HDAC5: variants seen among roughly 807,000 people sequenced by gnomAD.
HDAC5 encodes the protein histone deacetylase 5, also known as antigen NY-CO-9.
HDAC5 carries 25 observed loss-of-function variants against 133.3 expected under a neutral mutation model. The observed-to-expected ratio is 0.19, with a 90% CI of 0.14 to 0.26. The LOEUF is 0.26. HDAC5 is among the 10% of genes least tolerant of loss of function. The pLI is 1.00. For synonymous variants in HDAC5, 589 were observed against 610.8 expected (o/e 0.96, Z 0.53); for missense variants, 1,041 against 1,460.5 (o/e 0.71, Z 4.68).
intron 3 of HDAC5, among the ~76,000 whole-genome samples, chr17:44,107,829 C>A (rs182805659): frequency 1.3e-5 from 2 of 152,238 alleles, no homozygotes; most frequent in Admixed American, 1.3e-4. Context: ...TTCCCAGTGT[C>A]CATAGCATTC....
intron 3 of HDAC5, among the ~76,000 whole-genome samples, chr17:44,097,062 AG>A (rs1244362956): frequency 2.0e-5 from 3 of 152,216 alleles, no homozygotes; most frequent in Non-Finnish European, 4.4e-5. Flanking sequence ...GGGAGGTAGG[AG>A]GTGGCAAAGG....
intron 10 of HDAC5, 75 bp from the exon 11 acceptor site, chr17:44,091,567 T>G: frequency 6.7e-7 from 1 of 1,485,240 alleles, no homozygotes; most frequent in Non-Finnish European, 9.0e-7. Flanking sequence ...CTACCCACTA[T>G]CTACCCCCCA....
chr17:44,079,440 G>C, intron 23 of HDAC5, 163 bp from the exon 24 acceptor site: 1 of 579,470 alleles, frequency 1.7e-6, no homozygotes, highest in Non-Finnish European at 3.0e-6. Context: ...AGGAGTTCGA[G>C]ACCAGCCTGA....
At position 44,111,784 on chromosome 17, in the gene HDAC5, G is replaced by A. The variant is rs541463745; in HGVS notation, c.23-984C>T. The stretch of plus-strand genomic sequence containing the variant: ...TCCCTCCCGCTCATTCTGGAGTGTC[G>A]CCTCCAGAGGCTGCTCAGCCTCAGC... On this transcript the variant is annotated intron_variant, in intron 2 of 26. Transcript: ENST00000682912. 469 of 449,688 alleles carry A rather than the reference G, an allele frequency of 1.0e-3. 9 individuals are homozygous for A. Among genetic ancestry groups the A allele is most frequent in the South Asian group, 7.0e-3 (451 of 64,142 alleles). 27.9% of individuals were successfully genotyped at this position (449,688 alleles called of 1,614,324 possible). A position where few individuals can be genotyped will look rare whatever the true frequency, so the allele number is the denominator to read the frequency against.
At chr17:44,111,471 G>A (rs996604093) in intron 2 of HDAC5, 8 of 426,856 alleles carry the variant, frequency 1.9e-5, no homozygotes, top group South Asian at 5.0e-5. Context: ...GAAGGGCGCC[G>A]GCCAGGGTAC....
intron 18 of HDAC5, among the ~76,000 whole-genome samples, chr17:44,083,035 G>A (rs944628121): frequency 3.3e-5 from 5 of 152,160 alleles, no homozygotes; most frequent in African/African-American, 1.2e-4. Flanking sequence ...CTGGAGTGCA[G>A]TGGCGCGATC....
chr17:44,082,681 G>A lies in HDAC5; in HGVS notation c.2520-9C>T, dbSNP rs1042265000. 1.2e-6 allele frequency: 2 copies of A among 1,613,594 alleles called. No homozygotes were observed. Among genetic ancestry groups the A allele is most frequent in the South Asian group, 1.1e-5 (1 of 91,058 alleles). ...TGAAGAAGCAGAATCCCCTGAGGAGGGGAGAAAAGGGCAGGAGGTCAGCCT... is the reference window on the plus strand; with the variant it reads ...TGAAGAAGCAGAATCCCCTGAGGAGAGGAGAAAAGGGCAGGAGGTCAGCCT... On this transcript the variant is annotated splice_polypyrimidine_tract_variant and intron_variant, in intron 19 of 26. Transcript: ENST00000682912.
intron 3 of HDAC5, among the ~76,000 whole-genome samples, chr17:44,095,479 A>G (rs1182700214): frequency 6.6e-6 from 1 of 150,776 alleles, no homozygotes; most frequent in Non-Finnish European, 1.5e-5. Context: ...CCTCATCCCT[A>G]TCTGGGGCAG....
rs1036952879 is a variant in HDAC5 at position 44,079,369 on chromosome 17, C to T, written c.2945-92G>A. 15 of 1,301,396 alleles carry T rather than the reference C, an allele frequency of 1.2e-5. No individual in the cohort carries two copies. The East Asian group carries it at 1.2e-4, about 10-fold the overall frequency. 80.6% of individuals were successfully genotyped at this position (1,301,396 alleles called of 1,614,324 possible). ...AAGAGGAGAGAAAAAAGGCCAGGCG[C>T]GGTGGCTCACGCCTGTAATCCCAGC... On this transcript the variant is annotated intron_variant, in intron 23 of 26. Transcript: ENST00000682912.
chr17:44,123,272 T>A (rs2053123327), intron 1 of HDAC5: 1 of 309,418 alleles, frequency 3.2e-6, no homozygotes, highest in African/African-American at 2.2e-5. Flanking sequence ...AAGGCGCCCC[T>A]GTCTGGGAGG....
rs2050450395 is a variant in HDAC5, at chr17:44,082,651, A to G, written c.2541T>C (p.Ser847=). 1.2e-6 allele frequency: 2 copies of G among 1,614,132 alleles called. No individual in the cohort carries two copies. Among genetic ancestry groups the G allele is most frequent in the Non-Finnish European group, 8.5e-7 (1 of 1,179,988 alleles). ...GTAGGAGTTTTGCGGTGATGGCTAC[A>G]GAGTTGAAGAAGCAGAATCCCCTGA... The part of the protein sequence containing the change: ...STAMGFCFFN[S]VAITAKLLQQ... Residue 847 remains serine, a synonymous_variant, in exon 20 of 27, where the codon TCT becomes TCC. Transcript: ENST00000682912.
chr17:44,121,292 G>C (rs1422864909), intron 1 of HDAC5, among the ~76,000 whole-genome samples: 1 of 152,004 alleles, frequency 6.6e-6, no homozygotes, highest in Non-Finnish European at 1.5e-5. Context: ...AGGTGGGATA[G>C]GGAAGAAGAA....
At chr17:44,093,899 C>G in intron 3 of HDAC5, 65 bp from the exon 4 acceptor site, 1 of 1,432,896 alleles carries the variant, frequency 7.0e-7, no homozygotes, top group African/African-American at 1.4e-5. Flanking sequence ...ATGCCTGAGG[C>G]CCAAAGGCTA....
rs185586757 is a variant in HDAC5, at chr17:44,113,372, A to G, written c.23-2572T>C. Among the ~76,000 whole-genome samples the G allele has an allele frequency of 3.2e-3, 491 of 152,294 alleles. 1 individual carries two copies. Among genetic ancestry groups the G allele is most frequent in the Middle Eastern group, 0.01 (3 of 294 alleles). ...GCTCCCAGCACCATTACAGCCTCCAACAAGTAGGAAGCAAAGTATCAGACA... is the reference window on the plus strand; with the variant it reads ...GCTCCCAGCACCATTACAGCCTCCAGCAAGTAGGAAGCAAAGTATCAGACA... On this transcript the variant is annotated intron_variant, in intron 2 of 26. Transcript: ENST00000682912.
Position 44,087,546 on chromosome 17 carries a change from C to G in HDAC5, c.1750G>C (p.Glu584Gln). The change falls in exon 13 of 27, where the codon GAA becomes CAA. Residue 584 changes from glutamate to glutamine, a missense_variant. Glu to Gln is a conservative substitution (Grantham distance 29). Coordinates refer to ENST00000682912, the MANE Select transcript of HDAC5 (RefSeq NM_005474.5). ...TCCTCGTCCTCCTCCTCCAGGTCTT[C>G]CTGTGTGCTCTCACTCTCTGTGGAG... is the stretch of plus-strand genomic sequence containing the variant. ...EGSTESESTQ[E>Q]DLEEEDEEDD... 6.2e-7 allele frequency: 1 copy of G among 1,614,106 alleles called. No homozygotes were observed. Among genetic ancestry groups the G allele is most frequent in the Admixed American group, 1.7e-5 (1 of 60,014 alleles).
chr17:44,085,326 CTT>C (rs56379369), intron 14 of HDAC5, 171 bp from the exon 15 acceptor site: 31,013 of 367,846 alleles, frequency 0.084, 1 homozygote, highest in East Asian at 0.13. Flanking sequence ...TCCTCTCCAG[CTT>C]TTTTTTTTTT....
chr17:44,086,367 C>T (rs928208361), intron 14 of HDAC5, among the ~76,000 whole-genome samples: 3 of 152,212 alleles, frequency 2.0e-5, no homozygotes, highest in South Asian at 4.1e-4. Context: ...GTGAGAAAGA[C>T]GCTACCCACT....
At chr17:44,091,889 A>T (rs910083777) in intron 9 of HDAC5, 58 bp from the exon 10 acceptor site, 18 of 1,503,456 alleles carry the variant, frequency 1.2e-5, no homozygotes, top group Non-Finnish European at 1.6e-5. Context: ...GCAACAAGGG[A>T]GGGCAACCTG....
At chr17:44,087,818 GA>G in intron 12 of HDAC5, 122 bp from the exon 13 acceptor site, 3 of 1,233,256 alleles carry the variant, frequency 2.4e-6, no homozygotes, top group Admixed American at 2.7e-5. Context: ...ATGTGAATTA[GA>G]AAAAGGTGAG....
Sources: allele counts gnomAD v4.1 joint callset (sites outside exome capture counted in the v4.1 genomes callset), GRCh38; gene constraint gnomAD v4.1.1; transcripts MANE v1.5; gene names NCBI Gene and HGNC (gene_info 2026-07-23, HGNC 2026-07-21).